Variants in SGCD observed in about 807,000 individuals in gnomAD.
SGCD encodes the protein sarcoglycan delta.
A neutral mutation model predicts 36.6 loss-of-function variants in SGCD; 18 were observed. That is an observed-to-expected ratio of 0.49 (90% confidence interval 0.34 to 0.73). SGCD has a LOEUF of 0.73. SGCD is among the 30% of genes least tolerant of loss of function. The pLI is 0.01. For missense variants in SGCD, 387 were observed against 346.7 expected (o/e 1.12, Z -0.92); for synonymous variants, 133 against 130.6 (o/e 1.02, Z -0.12).
chr5:156,427,009 T>G (rs964797486), intron 3 of SGCD, among the ~76,000 whole-genome samples: 5 of 152,150 alleles, frequency 3.3e-5, no homozygotes, highest in African/African-American at 1.2e-4. Flanking sequence ...TTGCTTAGTA[T>G]TGCTTTGGCT....
At chr5:156,198,718 A>C (rs1272335787) in intron 3 of SGCD, among the ~76,000 whole-genome samples, 1 of 152,124 alleles carries the variant, frequency 6.6e-6, no homozygotes, top group Non-Finnish European at 1.5e-5. Flanking sequence ...AGTGCCAGGA[A>C]ATCTCTCACA....
At chr5:156,358,554 A>G (rs930241832) in intron 3 of SGCD, among the ~76,000 whole-genome samples, 1 of 152,220 alleles carries the variant, frequency 6.6e-6, no homozygotes, top group African/African-American at 2.4e-5. Context: ...GCCAAGGACT[A>G]TACTAAGTGC....
rs1764629856 is a variant in SGCD, at chr5:156,218,348, G to C, written c.-44+94329G>C. On this transcript the variant is annotated intron_variant, in intron 3 of 9. Transcript: ENST00000517913. The stretch of plus-strand genomic sequence containing the variant: ...ATATATCACTCTTTGGGGGAAAAAA[G>C]AGAAGAAAAAATTAAAATGATTCAA... Among the ~76,000 whole-genome samples the C allele has an allele frequency of 1.3e-5, 2 of 152,126 alleles. 1 individual carries two copies. The highest frequency in any genetic ancestry group is 6.8e-3 in the Middle Eastern group (2 of 294).
At chr5:156,696,056 G>C (rs973382649) in intron 7 of SGCD, among the ~76,000 whole-genome samples, 3 of 152,178 alleles carry the variant, frequency 2.0e-5, no homozygotes, top group Non-Finnish European at 4.4e-5. Context: ...ACCTGTTCTG[G>C]GTACTTGGGA....
In SGCD at chr5:156,119,719, G is replaced by A. The variant is rs192711953; in HGVS notation, c.-208+1768G>A. Among the ~76,000 whole-genome samples, 301 of 152,160 alleles carry A rather than the reference G, an allele frequency of 2.0e-3. 1 individual carries two copies. The highest frequency in any genetic ancestry group is 6.9e-3 in the African/African-American group (285 of 41,522). The stretch of plus-strand genomic sequence containing the variant: ...TGCTGCTCCCACTCTCCCTGGTTTT[G>A]CCTTCTCGGGATGCCCACCTCTCTT... On this transcript the variant is annotated intron_variant, in intron 2 of 9. Transcript: ENST00000517913.
intron 3 of SGCD, among the ~76,000 whole-genome samples, chr5:156,168,573 G>A (rs1467373650): frequency 6.6e-6 from 1 of 152,142 alleles, no homozygotes; most frequent in Non-Finnish European, 1.5e-5. Context: ...TCCCAGAAAA[G>A]GCTCACAACA....
intron 3 of SGCD, among the ~76,000 whole-genome samples, chr5:156,185,289 A>G (rs185135706): frequency 7.0e-6 from 1 of 142,252 alleles, no homozygotes; most frequent in East Asian, 2.1e-4. Context: ...ATCTCGGCTC[A>G]CTGTAAGCTC....
intron 1 of SGCD, among the ~76,000 whole-genome samples, chr5:155,994,803 G>A (rs1357752161): frequency 6.6e-6 from 1 of 152,174 alleles, no homozygotes; most frequent in African/African-American, 2.4e-5. Context: ...AAGTGCTTGG[G>A]TGAGGCCTAA....
chr5:155,787,872 T>G, the SGCD span, among the ~76,000 whole-genome samples: 1 of 152,224 alleles, frequency 6.6e-6, no homozygotes, highest in Non-Finnish European at 1.5e-5. Flanking sequence ...GGGATAATCA[T>G]GCCCATTCCG....
At chr5:156,684,400 C>T (rs1431658992) in intron 7 of SGCD, among the ~76,000 whole-genome samples, 1 of 152,174 alleles carries the variant, frequency 6.6e-6, no homozygotes, top group African/African-American at 2.4e-5. Context: ...ACACCTTGAC[C>T]TCTGTTTTGC....
intron 6 of SGCD, among the ~76,000 whole-genome samples, chr5:156,611,734 A>G (rs970321950): frequency 6.6e-6 from 1 of 152,170 alleles, no homozygotes; most frequent in South Asian, 2.1e-4. Flanking sequence ...CGTTAACTTA[A>G]TAGTGTCTCA....
intron 3 of SGCD, among the ~76,000 whole-genome samples, chr5:156,258,805 G>C (rs1317879204): frequency 6.6e-6 from 1 of 151,948 alleles, no homozygotes; most frequent in Non-Finnish European, 1.5e-5. Context: ...ACTCATAAGG[G>C]AATATTTAAA....
In SGCD at chr5:155,975,262, A is replaced by G. The variant is rs147542539; in HGVS notation, c.-282+104838A>G. On this transcript the variant is annotated intron_variant, in intron 1 of 9. Coordinates refer to the SGCD transcript ENST00000517913. ...TTTATTGAAGGCCTATTGGGGGCCT[A>G]TTGACAATTAGGGTGATTAAATAAC... Among the ~76,000 whole-genome samples, 721 of 152,312 alleles carry G rather than the reference A, an allele frequency of 4.7e-3. 2 individuals are homozygous for G. The highest frequency in any genetic ancestry group is 8.2e-3 in the Non-Finnish European group (555 of 68,016).
intron 1 of SGCD, among the ~76,000 whole-genome samples, chr5:156,003,400 T>G (rs1377002785): frequency 6.6e-6 from 1 of 152,088 alleles, no homozygotes. Context: ...GGTTTAGAGG[T>G]CATACATTCT....
intron 3 of SGCD, among the ~76,000 whole-genome samples, chr5:156,437,584 T>C (rs1753297468): frequency 6.6e-6 from 1 of 152,186 alleles, no homozygotes; most frequent in Non-Finnish European, 1.5e-5. Context: ...GTGCTGTGAT[T>C]GAACAATGCA....
At chr5:155,858,288 GT>G in the SGCD span, among the ~76,000 whole-genome samples, 2 of 151,986 alleles carry the variant, frequency 1.3e-5, no homozygotes, top group Non-Finnish European at 2.9e-5. Flanking sequence ...CTACAAGCTT[GT>G]TTGGGTATGG....
At chr5:155,942,334 G>GTATGTATGTATGTATCTATC (rs779514666) in intron 1 of SGCD, among the ~76,000 whole-genome samples, 1 of 138,414 alleles carries the variant, frequency 7.2e-6, no homozygotes, top group Non-Finnish European at 1.5e-5. Context: ...ATGTATGTAT[G>GTATGTATGTATGTATCTATC]TATCTATCTA....
chr5:156,488,809 G>A (rs1755815665), intron 3 of SGCD, among the ~76,000 whole-genome samples: 1 of 152,044 alleles, frequency 6.6e-6, no homozygotes, highest in Non-Finnish European at 1.5e-5. Context: ...AATAATAAGA[G>A]GGGAATAATG....
chr5:156,271,298 G>T (rs1463684486), intron 3 of SGCD, among the ~76,000 whole-genome samples: 1 of 151,988 alleles, frequency 6.6e-6, no homozygotes, highest in African/African-American at 2.4e-5. Flanking sequence ...GTGGAAAAAA[G>T]ATTGTTTTGT....
Sources: allele counts gnomAD v4.1 joint callset (sites outside exome capture counted in the v4.1 genomes callset), GRCh38; gene constraint gnomAD v4.1.1; transcripts MANE v1.5; gene names NCBI Gene and HGNC (gene_info 2026-07-23, HGNC 2026-07-21).